The following DNM3 variants were observed in gnomAD, a reference collection of about 807,000 sequenced individuals.
DNM3 encodes dynamin 3.
In DNM3, 47 loss-of-function variants were observed where a neutral mutation model predicts 101.6. That is an observed-to-expected ratio of 0.46 (90% CI 0.37 to 0.59). The LOEUF (loss-of-function observed/expected upper bound fraction) is 0.59, where lower values mean the gene tolerates loss of function less well. Ranked by LOEUF, DNM3 falls within the 20% of genes least tolerant of loss-of-function variation. DNM3 has a pLI of 0.00. For missense variants in DNM3, 849 were observed against 1,085.7 expected, an observed-to-expected ratio of 0.78 and a Z score of 3.06; for synonymous variants, 385 against 387.9, an observed-to-expected ratio of 0.99 and a Z score of 0.09.
chr1:172,238,386 T>C (rs1482236917), intron 14 of DNM3, among the ~76,000 whole-genome samples: 2 of 152,138 alleles, frequency 1.3e-5, no homozygotes, highest in Non-Finnish European at 2.9e-5. Flanking sequence ...TCACCCCTAC[T>C]AATTTGCTAG....
intron 15 of DNM3, among the ~76,000 whole-genome samples, chr1:172,304,218 A>AAAAAAAAAAAAC (rs1182798546): frequency 1.3e-4 from 18 of 135,092 alleles, no homozygotes; most frequent in African/African-American, 5.4e-4. Flanking sequence ...AAAAAAAAAA[A>AAAAAAAAAAAAC]AAAACAGGAG....
Position 172,033,415 on chromosome 1 carries a change from T to C in DNM3, c.849+150T>C, listed in dbSNP as rs142340493. 714 of 883,208 alleles carry C rather than the reference T, an allele frequency of 8.1e-4. 4 individuals are homozygous for C. The African/African-American group carries it at 9.4e-3, about 12-fold the overall frequency. The allele number at this position is 883,208 out of a possible 1,614,324, so 54.7% of individuals were successfully genotyped here. On this transcript the variant is annotated intron_variant, in intron 6 of 20. Transcript: ENST00000627582. ...GATTTTAAAAATGAATATTAGTACC[T>C]CAGATTCACACTATTACCGTTCTCA...
rs943564994 is a variant in DNM3 at position 172,133,054 on chromosome 1, C to T, written c.1659+1766C>T. On this transcript the variant is annotated intron_variant, in intron 14 of 20. Coordinates refer to ENST00000627582, the MANE Select transcript of DNM3 (RefSeq NM_015569.5). ...CTGGAGTTGTCCAAGCCAACCTCAT[C>T]CCACAGAGGACTTATGAAGATGAAT... 1.4e-5 allele frequency: 20 copies of T among 1,468,938 alleles called. No individual in the cohort carries two copies. The African/African-American group carries it at 2.4e-4, about 18-fold the overall frequency. The allele number at this position is 1,468,938 out of a possible 1,614,324, so 91.0% of individuals were successfully genotyped here.
At chr1:172,185,216 A>G (rs2059482287) in intron 14 of DNM3, among the ~76,000 whole-genome samples, 1 of 152,228 alleles carries the variant, frequency 6.6e-6, no homozygotes, top group Admixed American at 6.5e-5. Flanking sequence ...TGAGATTGAA[A>G]GAGGCCCCTT....
rs2071145225 is a variant in DNM3 at position 172,410,526 on chromosome 1, T to G, written c.*2685T>G. The G allele has an allele frequency of 2.0e-6, 2 of 981,466 alleles. No homozygotes were observed. Among genetic ancestry groups the G allele is most frequent in the Non-Finnish European group, 2.4e-6 (2 of 826,260 alleles). The allele number at this position is 981,466 out of a possible 1,614,324, so 60.8% of individuals were successfully genotyped here. A position where few individuals can be genotyped will look rare whatever the true frequency, so the allele number is the denominator to read the frequency against. On this transcript the variant is annotated 3_prime_UTR_variant, in exon 21 of 21. Transcript: ENST00000627582. ...AGTTTTATTGTCACATGCTAAATAT[T>G]GCATGCATATTGACTAATTGGAATA...
intron 20 of DNM3, chr1:172,389,166 G>A (rs528630404): frequency 4.2e-4 from 87 of 204,814 alleles, no homozygotes; most frequent in African/African-American, 1.9e-3. Context: ...GAGTTCCATG[G>A]ACTAAAGTCT....
intron 14 of DNM3, among the ~76,000 whole-genome samples, chr1:172,178,747 G>A (rs911651575): frequency 2.0e-5 from 3 of 151,934 alleles, no homozygotes; most frequent in Non-Finnish European, 4.4e-5. Context: ...AAGGAAGAAA[G>A]AGTAAGTCAC....
At chr1:172,310,960 G>C (rs902430926) in intron 16 of DNM3, 1 of 152,134 alleles carries the variant, frequency 6.6e-6, no homozygotes, top group Non-Finnish European at 1.5e-5. Context: ...TTACATTCCA[G>C]GTGCTTACTT....
At chr1:172,173,390 A>G (rs1456407485) in intron 14 of DNM3, among the ~76,000 whole-genome samples, 4 of 151,696 alleles carry the variant, frequency 2.6e-5, no homozygotes, top group Non-Finnish European at 5.9e-5. Context: ...GTTAAATGTA[A>G]TAATTATTTC....
chr1:171,993,316 C>G (rs1006883289), intron 4 of DNM3, among the ~76,000 whole-genome samples: 1 of 151,740 alleles, frequency 6.6e-6, no homozygotes, highest in Non-Finnish European at 1.5e-5. Context: ...TTTTGTTTAT[C>G]TTGGAATGTC....
In DNM3 at chr1:171,914,918, T is replaced by A. The variant is rs1023373098; in HGVS notation, c.162-6830T>A. On this transcript the variant is annotated intron_variant, in intron 1 of 20. Coordinates refer to ENST00000627582, the MANE Select transcript of DNM3 (RefSeq NM_015569.5). Reference sequence around the variant, plus strand: ...TGTTGAGAGCTTAGGTAGAGACATGTGGGGGTGGGGGGACCTCGAGAAGAC... The same window carrying A: ...TGTTGAGAGCTTAGGTAGAGACATGAGGGGGTGGGGGGACCTCGAGAAGAC... Among the ~76,000 whole-genome samples the A allele has an allele frequency of 2.7e-5, 4 of 147,162 alleles. No homozygotes were observed. The Admixed American group carries it at 2.7e-4, about 10-fold the overall frequency.
At chr1:172,304,341 C>T (rs1035660463) in intron 15 of DNM3, among the ~76,000 whole-genome samples, 2 of 151,850 alleles carry the variant, frequency 1.3e-5, no homozygotes, top group Non-Finnish European at 2.9e-5. Context: ...AGCTAACTAT[C>T]CTAAATATAT....
At chr1:172,321,877 C>A (rs987716471) in intron 16 of DNM3, among the ~76,000 whole-genome samples, 2 of 152,072 alleles carry the variant, frequency 1.3e-5, no homozygotes, top group African/African-American at 4.8e-5. Flanking sequence ...GTAAAATTCC[C>A]AGTGGGGATC....
rs532849090 is a variant in DNM3 at position 172,316,982 on chromosome 1, C to G, written c.1882-6347C>G. ...CACCTATTCCAAAATTGACCACATA[C>G]TGGGAAGTAAAGCTCTCCTCAGCAA... On this transcript the variant is annotated intron_variant, in intron 16 of 20. Coordinates refer to ENST00000627582, the MANE Select transcript of DNM3 (RefSeq NM_015569.5). 1.1e-3 allele frequency among the ~76,000 whole-genome samples: 175 copies of G among 152,200 alleles called. 1 individual carries two copies. In the Middle Eastern group the frequency reaches 0.034, roughly 30 times the overall value.
chr1:172,177,239 G>T (rs2059183729), intron 14 of DNM3, among the ~76,000 whole-genome samples: 1 of 151,758 alleles, frequency 6.6e-6, no homozygotes. Context: ...CCGAAAATAG[G>T]TGAGTGTTGT....
intron 14 of DNM3, among the ~76,000 whole-genome samples, chr1:172,229,548 G>C (rs2061255766): frequency 6.6e-6 from 1 of 152,088 alleles, no homozygotes; most frequent in Admixed American, 6.6e-5. Context: ...ATATGAAAAT[G>C]TTGTCTTTAA....
intron 17 of DNM3, among the ~76,000 whole-genome samples, chr1:172,348,669 A>G (rs531024558): frequency 1.3e-5 from 2 of 152,348 alleles, no homozygotes; most frequent in South Asian, 4.1e-4. Context: ...TACCTAACAT[A>G]TGAAAAATTT....
intron 17 of DNM3, among the ~76,000 whole-genome samples, chr1:172,339,263 C>G (rs372531891): frequency 2.6e-5 from 4 of 152,174 alleles, no homozygotes; most frequent in Non-Finnish European, 4.4e-5. Context: ...GAAGGAAGCA[C>G]CATGAAAATG....
At chr1:171,845,320 G>A (rs769457577) in intron 1 of DNM3, among the ~76,000 whole-genome samples, 38 of 152,296 alleles carry the variant, frequency 2.5e-4, no homozygotes, top group Middle Eastern at 3.4e-3. Flanking sequence ...AGGCCAAGGC[G>A]GGAGGATTGC....
Sources: allele counts gnomAD v4.1 joint callset (sites outside exome capture counted in the v4.1 genomes callset), GRCh38; gene constraint gnomAD v4.1.1; transcripts MANE v1.5; gene names NCBI Gene and HGNC (gene_info 2026-07-23, HGNC 2026-07-21).